The following LAX1 variants were observed in gnomAD, a reference collection of about 807,000 sequenced individuals.
LAX1 encodes lymphocyte transmembrane adapter 1.
Under a neutral mutation model 20.7 loss-of-function variants are expected in LAX1, and 17 were observed. The observed-to-expected ratio is 0.82, with a 90% CI of 0.56 to 1.23. The LOEUF is 1.23. Ranked by LOEUF, LAX1 falls within the 50% of genes most tolerant of loss-of-function variation. The pLI, the probability that LAX1 is intolerant of heterozygous loss-of-function variation, is 0.00. For synonymous variants in LAX1, 165 were observed against 181.0 expected (o/e 0.91, Z 0.71); for missense variants, 470 against 487.0 (o/e 0.97, Z 0.33).
At chr1:203,768,123 G>C (rs180780666) in intron 1 of LAX1, among the ~76,000 whole-genome samples, 1 of 152,024 alleles carries the variant, frequency 6.6e-6, no homozygotes, top group Non-Finnish European at 1.5e-5. Flanking sequence ...CCAGCCTGAC[G>C]AATATGATGA....
At chr1:203,770,490 GAAGGAAGGAAGGAAGGAAGGAAGA>G (rs1558070790) in intron 1 of LAX1, among the ~76,000 whole-genome samples, 15 of 52,410 alleles carry the variant, frequency 2.9e-4, no homozygotes, top group African/African-American at 6.1e-4. Flanking sequence ...AGGAAGGAAG[GAAGGAAGGAAGGAAGGAAGGAAGA>G]AAGAAAGAAA....
intron 3 of LAX1, 38 bp downstream of exon 3, chr1:203,771,515 C>A: frequency 8.3e-7 from 1 of 1,200,140 alleles, no homozygotes; most frequent in Non-Finnish European, 1.2e-6. Flanking sequence ...TCCAGATATT[C>A]GAACTTCTAC....
intron 1 of LAX1, among the ~76,000 whole-genome samples, chr1:203,769,885 C>G (rs1293327661): frequency 6.6e-6 from 1 of 151,898 alleles, no homozygotes; most frequent in African/African-American, 2.4e-5. Context: ...TCCAAGCAAG[C>G]CAGGAAGCCC....
intron 1 of LAX1, 115 bp downstream of exon 1, chr1:203,765,769 G>A: frequency 1.0e-6 from 1 of 968,036 alleles, no homozygotes; most frequent in East Asian, 2.6e-5. Context: ...CCCAGGCTCG[G>A]TCTACTAAAC....
intron 1 of LAX1, 108 bp from the exon 2 acceptor site, chr1:203,770,720 C>T (rs1667406631): frequency 2.3e-6 from 2 of 852,816 alleles, no homozygotes; most frequent in East Asian, 4.9e-5. Flanking sequence ...GGCTTTCCTT[C>T]ACTCGGCTCC....
intron 4 of LAX1, among the ~76,000 whole-genome samples, chr1:203,772,759 TC>T: frequency 6.8e-6 from 1 of 148,030 alleles, no homozygotes; most frequent in East Asian, 1.9e-4. Flanking sequence ...CACTCCAACC[TC>T]TGCTTCCTGG....
intron 1 of LAX1, among the ~76,000 whole-genome samples, chr1:203,768,991 A>G (rs181943445): frequency 1.3e-5 from 2 of 152,280 alleles, no homozygotes; most frequent in African/African-American, 4.8e-5. Context: ...CTAAGCCATT[A>G]GATTATGGGA....
chr1:203,772,361 A>T (rs991432477), intron 4 of LAX1, among the ~76,000 whole-genome samples: 1 of 152,240 alleles, frequency 6.6e-6, no homozygotes, highest in Non-Finnish European at 1.5e-5. Flanking sequence ...TGGAGTTATA[A>T]AAAGGGCACC....
chr1:203,768,710 C>T (rs1667344200), intron 1 of LAX1, among the ~76,000 whole-genome samples: 1 of 152,184 alleles, frequency 6.6e-6, no homozygotes, highest in South Asian at 2.1e-4. Flanking sequence ...GGGATGTGAT[C>T]TGATTTACCA....
chr1:203,774,657 C>T lies in LAX1; in HGVS notation c.1173C>T (p.Gly391=). The T allele has an allele frequency of 1.2e-6, 2 of 1,613,956 alleles. No individual in the cohort carries two copies. The highest frequency in any genetic ancestry group is 1.7e-6 in the Non-Finnish European group (2 of 1,179,916). ...GCAGGGACTCTGAGCAGGGGCCTGG[C>T]ACTCAGCTCCTTCCTGATGAATGAA... The part of the protein sequence containing the change: ...LGGRDSEQGP[G]TQLLPDE The change falls in exon 5 of 5, where the codon GGC becomes GGT. Residue 391 remains glycine, a synonymous_variant. Transcript: ENST00000442561.
Position 203,774,228 on chromosome 1 carries a change from A to G in LAX1, c.744A>G (p.Gly248=). ...ACTGCACCAGTTTGTATTCTCCAGG[A>G]GCTGAGGACAGTGATTCACTCAGCA... ...AGDCTSLYSP[G]AEDSDSLSNG... The change falls in exon 5 of 5, where the codon GGA becomes GGG. Residue 248 remains glycine (G), a synonymous_variant. Transcript: ENST00000442561. The G allele has an allele frequency of 6.2e-7, 1 of 1,614,150 alleles. No individual in the cohort carries two copies. Among genetic ancestry groups the G allele is most frequent in the South Asian group, 1.1e-5 (1 of 91,070 alleles).
intron 4 of LAX1, among the ~76,000 whole-genome samples, 192 bp from the exon 5 acceptor site, chr1:203,773,683 C>A (rs909658285): frequency 7.3e-5 from 11 of 151,452 alleles, no homozygotes; most frequent in African/African-American, 2.7e-4. Context: ...ACCCGCACCC[C>A]CCCACCAATT....
chr1:203,765,672 G>A lies in LAX1; in HGVS notation c.89+18G>A. 1 of 1,612,986 alleles carries A rather than the reference G, an allele frequency of 6.2e-7. No individual in the cohort carries two copies. Among genetic ancestry groups the A allele is most frequent in the Non-Finnish European group, 8.5e-7 (1 of 1,179,264 alleles). On this transcript the variant is annotated intron_variant, in intron 1 of 4. Coordinates refer to ENST00000442561, the MANE Select transcript of LAX1 (RefSeq NM_017773.4). ...CTGGACAGGTGAGTGACTCAGGGTGGTGAGCTCCACCCTGCCCTGATTTAG... is the reference window on the plus strand; with the variant it reads ...CTGGACAGGTGAGTGACTCAGGGTGATGAGCTCCACCCTGCCCTGATTTAG...
chr1:203,770,748 C>T, intron 1 of LAX1, 80 bp from the exon 2 acceptor site: 2 of 1,158,950 alleles, frequency 1.7e-6, no homozygotes, highest in African/African-American at 1.5e-5. Context: ...AATCTTCAGG[C>T]TCTAACTCCA....
chr1:203,770,020 C>T lies in LAX1; in HGVS notation c.90-808C>T, dbSNP rs186459852. Among the ~76,000 whole-genome samples, 184 of 152,292 alleles carry T rather than the reference C, an allele frequency of 1.2e-3. 1 individual carries two copies. The highest frequency in any genetic ancestry group is 0.01 in the Middle Eastern group (3 of 292). ...ACAGACCTAGATTCATATTCCTTCTCTGCTCCTTCCTACCTAGGTGATCTC... is the reference window on the plus strand; with the variant it reads ...ACAGACCTAGATTCATATTCCTTCTTTGCTCCTTCCTACCTAGGTGATCTC... On this transcript the variant is annotated intron_variant, in intron 1 of 4. Transcript: ENST00000442561.
rs1553254225 is a variant in LAX1 at position 203,769,444 on chromosome 1, G to GAAAGAAAGAAAGAAA, written c.90-1384_90-1383insAAAGAAAGAAAGAAA. On this transcript the variant is annotated intron_variant, in intron 1 of 4. Coordinates refer to ENST00000442561, the MANE Select transcript of LAX1 (RefSeq NM_017773.4). Reference sequence around the variant, plus strand: ...AAGAAAGAAAGAAAGAAAGAAAGAAGGAAAGAAAGAAAAGAAAAGAAAGAA... The same window carrying GAAAGAAAGAAAGAAA: ...AAGAAAGAAAGAAAGAAAGAAAGAAGAAAGAAAGAAAGAAAGAAAGAAAGAAAAGAAAAGAAAGAA... Among the ~76,000 whole-genome samples the GAAAGAAAGAAAGAAA allele has an allele frequency of 1.6e-3, 219 of 133,576 alleles. 7 individuals are homozygous for GAAAGAAAGAAAGAAA. Among genetic ancestry groups the GAAAGAAAGAAAGAAA allele is most frequent in the East Asian group, 5.8e-3 (25 of 4,308 alleles). The allele number at this position is 133,576 out of a possible 152,430, so 87.6% of individuals were successfully genotyped here.
intron 3 of LAX1, 94 bp from the exon 4 acceptor site, chr1:203,771,974 C>T: frequency 9.9e-7 from 1 of 1,012,860 alleles, no homozygotes. Flanking sequence ...TTCCAGACAC[C>T]ACGCAAACCC....
In LAX1 at chr1:203,774,923, T is replaced by G. The variant is rs1667486859; in HGVS notation, c.*242T>G. 1 of 532,798 alleles carries G rather than the reference T, an allele frequency of 1.9e-6. No individual in the cohort carries two copies. The highest frequency in any genetic ancestry group is 3.3e-6 in the Non-Finnish European group (1 of 301,438). The allele number at this position is 532,798 out of a possible 1,614,324, so 33.0% of individuals were successfully genotyped here. Reference sequence around the variant, plus strand: ...TCTCCTGTACCAGCCTAAGAATGTTTGCTGAAACTGCTTCCTAGAACTGTG... The same window carrying G: ...TCTCCTGTACCAGCCTAAGAATGTTGGCTGAAACTGCTTCCTAGAACTGTG... On this transcript the variant is annotated 3_prime_UTR_variant, in exon 5 of 5. Coordinates refer to ENST00000442561, the MANE Select transcript of LAX1 (RefSeq NM_017773.4).
chr1:203,773,778 T>TAAAATA, intron 4 of LAX1, 97 bp from the exon 5 acceptor site: 1 of 267,430 alleles, frequency 3.7e-6, no homozygotes. Context: ...TTTTTTTTTT[T>TAAAATA]TTTTTTCAGA....
Sources: allele counts gnomAD v4.1 joint callset (sites outside exome capture counted in the v4.1 genomes callset), GRCh38; gene constraint gnomAD v4.1.1; transcripts MANE v1.5; gene names NCBI Gene and HGNC (gene_info 2026-07-23, HGNC 2026-07-21).